Variants in GNA14 observed in about 807,000 individuals in gnomAD.
The protein encoded by GNA14 is guanine nucleotide-binding protein subunit alpha-14.
A neutral mutation model predicts 42.0 loss-of-function variants in GNA14; 50 were observed. The ratio of observed to expected loss-of-function variants is 1.19; its 90% CI spans 0.95 to 1.51. The LOEUF is 1.51. Ranked by LOEUF, GNA14 falls within the 40% of genes most tolerant of loss-of-function variation. GNA14 has a pLI of 0.00. For missense variants in GNA14, 473 were observed against 446.2 expected (o/e 1.06, Z -0.54); for synonymous variants, 173 against 163.1 (o/e 1.06, Z -0.46).
intron 2 of GNA14, among the ~76,000 whole-genome samples, chr9:77,517,758 C>T (rs1411522525): frequency 1.3e-5 from 2 of 151,046 alleles, no homozygotes; most frequent in Non-Finnish European, 2.9e-5. Context: ...CAGATGCACA[C>T]CACACTCAGA....
intron 1 of GNA14, among the ~76,000 whole-genome samples, chr9:77,559,975 A>G (rs62573416): frequency 0.084 from 12,827 of 152,182 alleles, 626 homozygotes; most frequent in Middle Eastern, 0.14. Flanking sequence ...GATTCTCAAA[A>G]TATTAGGTAT....
intron 1 of GNA14, among the ~76,000 whole-genome samples, chr9:77,575,732 A>G (rs959994779): frequency 7.2e-5 from 11 of 152,318 alleles, no homozygotes; most frequent in Middle Eastern, 3.4e-3. Flanking sequence ...ACCATTTTCT[A>G]TTGGTTTTAA....
chr9:77,512,857 G>A (rs1251569492), intron 2 of GNA14, among the ~76,000 whole-genome samples: 3 of 152,278 alleles, frequency 2.0e-5, no homozygotes, highest in Admixed American at 6.5e-5. Flanking sequence ...CTGGTTCGAA[G>A]GTCACTGTCA....
At chr9:77,517,208 G>GC (rs1257522042) in intron 2 of GNA14, among the ~76,000 whole-genome samples, 1 of 152,176 alleles carries the variant, frequency 6.6e-6, no homozygotes, top group African/African-American at 2.4e-5. Flanking sequence ...GGACTTTCCT[G>GC]CCCATAGATG....
In GNA14 at chr9:77,553,457, T is replaced by C. The variant is rs144097152; in HGVS notation, c.125-24204A>G. On this transcript the variant is annotated intron_variant, in intron 1 of 6. Transcript: ENST00000341700. ...ATGATTTATATGCAAAAAACTTCAA[T>C]GATCAGTTTTTTTTAAAACAGCACC... Among the ~76,000 whole-genome samples, 171 of 151,946 alleles carry C rather than the reference T, an allele frequency of 1.1e-3. 1 individual carries two copies. The highest frequency in any genetic ancestry group is 9.3e-3 in the East Asian group (48 of 5,166).
At chr9:77,521,807 C>T (rs568132631) in intron 2 of GNA14, among the ~76,000 whole-genome samples, 1 of 152,018 alleles carries the variant, frequency 6.6e-6, no homozygotes, top group African/African-American at 2.4e-5. Flanking sequence ...AATATAATGT[C>T]TTTATTTACT....
intron 1 of GNA14, among the ~76,000 whole-genome samples, chr9:77,593,087 T>C (rs1377624252): frequency 6.6e-6 from 1 of 152,188 alleles, no homozygotes; most frequent in African/African-American, 2.4e-5. Context: ...TATAATAGCC[T>C]AATGCTCAAT....
chr9:77,525,927 G>A (rs1837429739), intron 2 of GNA14, among the ~76,000 whole-genome samples: 1 of 148,394 alleles, frequency 6.7e-6, no homozygotes, highest in Admixed American at 6.7e-5. Flanking sequence ...AAAAAAAACG[G>A]AGTTTCACTT....
chr9:77,607,120 G>A (rs1823655110), intron 1 of GNA14, among the ~76,000 whole-genome samples: 1 of 152,148 alleles, frequency 6.6e-6, no homozygotes, highest in African/African-American at 2.4e-5. Flanking sequence ...AGCTGATTAA[G>A]ACATTTTTCT....
chr9:77,449,835 C>T (rs991193869), intron 2 of GNA14, among the ~76,000 whole-genome samples: 1 of 152,204 alleles, frequency 6.6e-6, no homozygotes, highest in African/African-American at 2.4e-5. Flanking sequence ...TCTTTGATGG[C>T]AAAACGCCAG....
intron 2 of GNA14, among the ~76,000 whole-genome samples, chr9:77,502,007 C>T (rs1421156533): frequency 6.6e-6 from 1 of 152,112 alleles, no homozygotes; most frequent in Non-Finnish European, 1.5e-5. Flanking sequence ...GTGCCCAGCC[C>T]AGATTGGATA....
At chr9:77,563,122 C>T (rs1822909550) in intron 1 of GNA14, among the ~76,000 whole-genome samples, 1 of 152,160 alleles carries the variant, frequency 6.6e-6, no homozygotes, top group Admixed American at 6.5e-5. Flanking sequence ...AACCCCTCAC[C>T]ATGCACTGCT....
At chr9:77,438,086 A>T (rs916141534) in intron 2 of GNA14, among the ~76,000 whole-genome samples, 6 of 152,158 alleles carry the variant, frequency 3.9e-5, no homozygotes, top group African/African-American at 1.4e-4. Context: ...CCAGGAGAGG[A>T]AGACATATTG....
At chr9:77,461,739 T>C (rs1836110606) in intron 2 of GNA14, among the ~76,000 whole-genome samples, 1 of 136,970 alleles carries the variant, frequency 7.3e-6, no homozygotes. Context: ...AGCATGCGTT[T>C]ACTGTTAGAA....
At chr9:77,547,343 C>G (rs916378131) in intron 1 of GNA14, among the ~76,000 whole-genome samples, 1 of 152,116 alleles carries the variant, frequency 6.6e-6, no homozygotes, top group Non-Finnish European at 1.5e-5. Context: ...CCACCAAAAT[C>G]CTATTTGATG....
At chr9:77,591,349 A>G (rs1315051890) in intron 1 of GNA14, among the ~76,000 whole-genome samples, 1 of 152,212 alleles carries the variant, frequency 6.6e-6, no homozygotes, top group Non-Finnish European at 1.5e-5. Context: ...TCTGGTGTGA[A>G]GTTACAGGAA....
At chr9:77,559,116 T>C (rs1242809299) in intron 1 of GNA14, among the ~76,000 whole-genome samples, 1 of 152,174 alleles carries the variant, frequency 6.6e-6, no homozygotes, top group African/African-American at 2.4e-5. Flanking sequence ...CCAGAGGACC[T>C]ATCTTTTCTC....
At chr9:77,507,588 G>A (rs1030533378) in intron 2 of GNA14, among the ~76,000 whole-genome samples, 3 of 152,088 alleles carry the variant, frequency 2.0e-5, no homozygotes, top group African/African-American at 7.2e-5. Flanking sequence ...TTTTCATTGA[G>A]TCTAACCTTG....
Position 77,644,437 on chromosome 9 carries a change from C to CAAAAAAAAA in GNA14, c.124+3224_124+3232dup, listed in dbSNP as rs764737417. On this transcript the variant is annotated intron_variant, in intron 1 of 6. Coordinates refer to ENST00000341700, the MANE Select transcript of GNA14 (RefSeq NM_004297.4). Reference sequence around the variant, plus strand: ...TACTGAACTCCAACCTAAAGAGTGTCAAAAAAAAAAAAAAAAAAAAAAAAA... The same window carrying CAAAAAAAAA: ...TACTGAACTCCAACCTAAAGAGTGTCAAAAAAAAAAAAAAAAAAAAAAAAAAAAAAAAAA... Among the ~76,000 whole-genome samples the CAAAAAAAAA allele has an allele frequency of 6.4e-3, 218 of 34,020 alleles. 37 individuals carry two copies. Among genetic ancestry groups the CAAAAAAAAA allele is most frequent in the African/African-American group, 0.022 (189 of 8,578 alleles). The allele number at this position is 34,020 out of a possible 152,430, so 22.3% of individuals were successfully genotyped here.
Sources: allele counts gnomAD v4.1 joint callset (sites outside exome capture counted in the v4.1 genomes callset), GRCh38; gene constraint gnomAD v4.1.1; transcripts MANE v1.5; gene names NCBI Gene and HGNC (gene_info 2026-07-23, HGNC 2026-07-21).